AFDN: variants seen among roughly 807,000 people sequenced by gnomAD.
AFDN encodes afadin.
A neutral mutation model predicts 216.6 loss-of-function variants in AFDN; 68 were observed. That is an observed-to-expected ratio of 0.31 (90% CI 0.26 to 0.38). The LOEUF (loss-of-function observed/expected upper bound fraction) is 0.38, where lower values mean the gene tolerates loss of function less well. Ranked by LOEUF, AFDN falls within the 10% of genes least tolerant of loss-of-function variation. The pLI, the probability that AFDN is intolerant of heterozygous loss-of-function variation, is 1.00. For synonymous variants in AFDN, 868 were observed against 853.7 expected, an observed-to-expected ratio of 1.02 and a Z score of -0.29; for missense variants, 2,136 against 2,342.0, an observed-to-expected ratio of 0.91 and a Z score of 1.82.
At chr6:167,857,159 G>C (rs940676144) in intron 1 of AFDN, among the ~76,000 whole-genome samples, 3 of 152,036 alleles carry the variant, frequency 2.0e-5, no homozygotes, top group African/African-American at 7.2e-5. Context: ...TCCATTCGTA[G>C]GAACCAGTAT....
At chr6:167,952,441 G>C (rs1489167083) in intron 30 of AFDN, 16 of 985,244 alleles carry the variant, frequency 1.6e-5, no homozygotes, top group Non-Finnish European at 1.7e-5. Flanking sequence ...GTTTTCATTA[G>C]CAAACTCATA....
At chr6:167,891,404 G>GGGGTGTGT (rs1350794338) in intron 8 of AFDN, among the ~76,000 whole-genome samples, 21 of 138,152 alleles carry the variant, frequency 1.5e-4, no homozygotes, top group Admixed American at 8.4e-4. Context: ...TTCATAAAGG[G>GGGGTGTGT]GTGGGTGTGT....
chr6:167,892,059 T>C (rs1306875267), intron 8 of AFDN, among the ~76,000 whole-genome samples: 3 of 152,240 alleles, frequency 2.0e-5, no homozygotes, highest in African/African-American at 7.2e-5. Context: ...ACATACGATA[T>C]TTGTTGTCCA....
chr6:167,963,411 G>T (rs1483818194), intron 31 of AFDN: 1 of 1,055,198 alleles, frequency 9.5e-7, no homozygotes, highest in African/African-American at 1.7e-5. Context: ...AACTTCTGAT[G>T]GCGGAAAATT....
intron 1 of AFDN, among the ~76,000 whole-genome samples, chr6:167,829,781 A>G (rs1583063985): frequency 6.6e-6 from 1 of 152,092 alleles, no homozygotes; most frequent in African/African-American, 2.4e-5. Flanking sequence ...ACCACTGATA[A>G]TTTTGTGGTT....
In AFDN at chr6:167,951,318, A is replaced by C; in HGVS notation, c.3964A>C (p.Ser1322Arg). 1 of 1,614,202 alleles carries C rather than the reference A, an allele frequency of 6.2e-7. No homozygotes were observed. The highest frequency in any genetic ancestry group is 8.5e-7 in the Non-Finnish European group (1 of 1,180,028). The change falls in exon 30 of 34, where the codon AGT becomes CGT. Residue 1322 changes from serine (S) to arginine (R), a missense_variant. Transcript: ENST00000683244. The surrounding 1 kb of genome is among the most constrained non-coding windows in gnomAD (Gnocchi z 7.1). ...WINQSSSLDSSTSSQEHLNHS... is the reference protein window; with the variant it reads ...WINQSSSLDSRTSSQEHLNHS... The stretch of plus-strand genomic sequence containing the variant: ...AAATCAGAGCTCCTCACTGGACTCC[A>C]GTACCTCTAGCCAGGAGCATCTGAA...
At chr6:167,827,879 G>A (rs1286868510) in intron 1 of AFDN, 1 of 152,228 alleles carries the variant, frequency 6.6e-6, no homozygotes, top group African/African-American at 2.4e-5. Flanking sequence ...GGGAGGCGCC[G>A]GCCCCAGGCT....
At position 167,914,341 on chromosome 6, in the gene AFDN, C is replaced by G. The variant is rs143096455; in HGVS notation, c.2204+28C>G. The G allele has an allele frequency of 2.7e-4, 431 of 1,609,990 alleles. 2 individuals carry two copies. The African/African-American group carries it at 4.7e-3, about 18-fold the overall frequency. Reference sequence around the variant, plus strand: ...AAGGAACACATTTTTGAAGGCGGCACTACTCTAAATAATTAAGTCATTTGT... The same window carrying G: ...AAGGAACACATTTTTGAAGGCGGCAGTACTCTAAATAATTAAGTCATTTGT... On this transcript the variant is annotated intron_variant, in intron 17 of 33. Coordinates refer to ENST00000683244, the MANE Select transcript of AFDN (RefSeq NM_001386888.1).
chr6:167,853,748 C>T (rs566953274), intron 1 of AFDN, among the ~76,000 whole-genome samples: 10 of 152,104 alleles, frequency 6.6e-5, no homozygotes, highest in African/African-American at 2.2e-4. Flanking sequence ...TGCTGTTGTG[C>T]GTTGTGCTTT....
At chr6:167,927,285 GT>G (rs141907187) in intron 23 of AFDN, among the ~76,000 whole-genome samples, 1 of 152,238 alleles carries the variant, frequency 6.6e-6, no homozygotes, top group African/African-American at 2.4e-5. Flanking sequence ...GAGATATATT[GT>G]GGGTGGGAGT....
intron 31 of AFDN, chr6:167,963,059 A>G (rs1797197503): frequency 9.3e-7 from 1 of 1,070,012 alleles, no homozygotes; most frequent in East Asian, 4.9e-5. Context: ...GGCTTAGAAA[A>G]CATGATACAG....
At chr6:167,958,626 A>G (rs968775073) in intron 30 of AFDN, among the ~76,000 whole-genome samples, 1 of 152,236 alleles carries the variant, frequency 6.6e-6, no homozygotes, top group Non-Finnish European at 1.5e-5. Context: ...GATGTTTTCA[A>G]AGAGTTCCGT....
Position 167,844,849 on chromosome 6 carries a change from CTTTTTTT to C in AFDN, c.105+17627_105+17633del, listed in dbSNP as rs67495555. On this transcript the variant is annotated intron_variant, in intron 1 of 33. Coordinates refer to ENST00000683244, the MANE Select transcript of AFDN (RefSeq NM_001386888.1). The stretch of plus-strand genomic sequence containing the variant: ...TTGAGAATGAGCATCCTTTTCTTTT[CTTTTTTT>C]TTTTTTTTTTTTTTGGTTTTTGAGA... Among the ~76,000 whole-genome samples, 198 of 127,694 alleles carry C rather than the reference CTTTTTTT, an allele frequency of 1.6e-3. 1 individual carries two copies. Among genetic ancestry groups the C allele is most frequent in the African/African-American group, 5.2e-3 (181 of 34,878 alleles). 83.8% of individuals were successfully genotyped at this position (127,694 alleles called of 152,430 possible). A position where few individuals can be genotyped will look rare whatever the true frequency, so the allele number is the denominator to read the frequency against.
intron 13 of AFDN, among the ~76,000 whole-genome samples, chr6:167,908,207 T>C (rs1193710133): frequency 6.6e-6 from 1 of 152,114 alleles, no homozygotes; most frequent in Non-Finnish European, 1.5e-5. Context: ...TTGCCCAGGG[T>C]CACCTATCAG....
At chr6:167,863,837 G>A (rs778623934) in intron 1 of AFDN, 3 of 517,744 alleles carry the variant, frequency 5.8e-6, no homozygotes, top group East Asian at 1.1e-4. Context: ...TGCGTTCATT[G>A]ATTATGGGCA....
Position 167,834,173 on chromosome 6 carries a change from T to G in AFDN, c.105+6936T>G, listed in dbSNP as rs187705919. 2.8e-3 allele frequency among the ~76,000 whole-genome samples: 420 copies of G among 152,244 alleles called. 1 individual carries two copies. Among genetic ancestry groups the G allele is most frequent in the Non-Finnish European group, 4.7e-3 (321 of 68,014 alleles). On this transcript the variant is annotated intron_variant, in intron 1 of 33. Transcript: ENST00000683244. ...GTTACTTGAGTAAGTTCTTTAGTGGTGATTTGTGAGATTTTAGTGCATCCA... is the reference window on the plus strand; with the variant it reads ...GTTACTTGAGTAAGTTCTTTAGTGGGGATTTGTGAGATTTTAGTGCATCCA...
chr6:167,927,579 G>C (rs1792725566), intron 23 of AFDN, among the ~76,000 whole-genome samples: 1 of 152,192 alleles, frequency 6.6e-6, no homozygotes, highest in Non-Finnish European at 1.5e-5. Flanking sequence ...CGAAAGGTGG[G>C]CATCTGTTCA....
chr6:167,857,391 T>G (rs1783028253), intron 1 of AFDN, among the ~76,000 whole-genome samples: 1 of 152,058 alleles, frequency 6.6e-6, no homozygotes, highest in African/African-American at 2.4e-5. Context: ...TTAGATGAAG[T>G]AGAAACCAGT....
chr6:167,904,732 G>A (rs1243273497), intron 12 of AFDN, among the ~76,000 whole-genome samples: 1 of 152,164 alleles, frequency 6.6e-6, no homozygotes, highest in Non-Finnish European at 1.5e-5. Flanking sequence ...TCTGCATGCA[G>A]GGGTTCGTTC....
Sources: allele counts gnomAD v4.1 joint callset (sites outside exome capture counted in the v4.1 genomes callset), GRCh38; gene constraint gnomAD v4.1.1; non-coding constraint Gnocchi (gnomAD v3.1); transcripts MANE v1.5; gene names NCBI Gene and HGNC (gene_info 2026-07-23, HGNC 2026-07-21).